Variants in ZMAT4 observed in about 807,000 individuals in gnomAD.
ZMAT4 encodes the protein zinc finger matrin-type 4.
A neutral mutation model predicts 28.7 loss-of-function variants in ZMAT4; 17 were observed. The observed-to-expected ratio is 0.59, with a 90% CI of 0.41 to 0.89. The LOEUF (loss-of-function observed/expected upper bound fraction) is 0.89, where lower values mean the gene tolerates loss of function less well. Ranked by LOEUF, ZMAT4 falls within the 40% of genes least tolerant of loss-of-function variation. The probability of loss-of-function intolerance (pLI) is 0.00; values close to 1 mark genes in which losing one functional copy is unlikely to be tolerated. For missense variants in ZMAT4, 240 were observed against 283.8 expected, an observed-to-expected ratio of 0.85 and a Z score of 1.11; for synonymous variants, 117 against 109.2, an observed-to-expected ratio of 1.07 and a Z score of -0.44.
intron 5 of ZMAT4, among the ~76,000 whole-genome samples, chr8:40,630,669 C>A (rs919049098): frequency 6.6e-6 from 1 of 152,150 alleles, no homozygotes; most frequent in Non-Finnish European, 1.5e-5. Context: ...ACAACAGCAT[C>A]GCTAAAACCC....
chr8:40,673,028 G>A (rs920675153), intron 5 of ZMAT4, among the ~76,000 whole-genome samples: 1 of 152,060 alleles, frequency 6.6e-6, no homozygotes, highest in Non-Finnish European at 1.5e-5. Context: ...AGGTCTTTTG[G>A]AAAAAATCAA....
At chr8:40,573,611 G>A (rs1241062106) in intron 6 of ZMAT4, among the ~76,000 whole-genome samples, 1 of 152,166 alleles carries the variant, frequency 6.6e-6, no homozygotes, top group Non-Finnish European at 1.5e-5. Flanking sequence ...GAGGCTCTGA[G>A]GGGATCCTGA....
intron 5 of ZMAT4, among the ~76,000 whole-genome samples, chr8:40,596,992 C>A (rs932031041): frequency 1.3e-5 from 2 of 152,060 alleles, no homozygotes; most frequent in Non-Finnish European, 2.9e-5. Flanking sequence ...GGCTTCTGAG[C>A]CTCATTTTCT....
intron 5 of ZMAT4, among the ~76,000 whole-genome samples, chr8:40,582,019 A>G (rs528044548): frequency 2.0e-5 from 3 of 152,318 alleles, no homozygotes; most frequent in African/African-American, 7.2e-5. Context: ...ATAATGAAAC[A>G]TATTCCTTCA....
At chr8:40,570,632 G>A (rs1486251752) in intron 6 of ZMAT4, among the ~76,000 whole-genome samples, 1 of 152,108 alleles carries the variant, frequency 6.6e-6, no homozygotes. Flanking sequence ...TCCAGGAAGT[G>A]GAGGTTGCAG....
intron 5 of ZMAT4, among the ~76,000 whole-genome samples, chr8:40,660,300 T>C (rs1446834824): frequency 6.6e-6 from 1 of 152,218 alleles, no homozygotes; most frequent in African/African-American, 2.4e-5. Flanking sequence ...TATTTTTAAG[T>C]TGAAGTGGCT....
intron 6 of ZMAT4, among the ~76,000 whole-genome samples, chr8:40,541,980 C>CCT (rs1803048091): frequency 1.3e-5 from 2 of 152,132 alleles, no homozygotes; most frequent in South Asian, 4.1e-4. Flanking sequence ...CAAAGCTGGC[C>CCT]CTCGGGCAGA....
chr8:40,853,252 T>A (rs1397527617), intron 1 of ZMAT4, among the ~76,000 whole-genome samples: 1 of 152,212 alleles, frequency 6.6e-6, no homozygotes, highest in Non-Finnish European at 1.5e-5. Context: ...AAGGTTGACA[T>A]TTAATACAAT....
At chr8:40,741,497 T>C (rs1812002398) in intron 3 of ZMAT4, among the ~76,000 whole-genome samples, 2 of 151,840 alleles carry the variant, frequency 1.3e-5, no homozygotes, top group South Asian at 2.1e-4. Context: ...TTGCTAGTGA[T>C]TAAATCTGTA....
chr8:40,764,777 A>G (rs1813080006), intron 3 of ZMAT4, among the ~76,000 whole-genome samples: 1 of 152,144 alleles, frequency 6.6e-6, no homozygotes, highest in Non-Finnish European at 1.5e-5. Context: ...AAAATGCTAA[A>G]TAAATATGAC....
intron 6 of ZMAT4, among the ~76,000 whole-genome samples, chr8:40,547,358 T>C (rs1047927013): frequency 1.3e-5 from 2 of 152,180 alleles, no homozygotes; most frequent in African/African-American, 4.8e-5. Context: ...TCCAGAGTTT[T>C]GAAAGCAGCA....
intron 2 of ZMAT4, among the ~76,000 whole-genome samples, chr8:40,802,205 T>C (rs1391535485): frequency 6.6e-6 from 1 of 152,238 alleles, no homozygotes; most frequent in African/African-American, 2.4e-5. Context: ...CTTTTCAGCA[T>C]CGTACTGAAA....
rs1805610923 is a variant in ZMAT4 at position 40,606,895 on chromosome 8, T to C, written c.578-25634A>G. 4.9e-5 allele frequency among the ~76,000 whole-genome samples: 7 copies of C among 144,276 alleles called. No homozygotes were observed. The Admixed American group carries it at 4.9e-4, about 10-fold the overall frequency. 94.7% of individuals were successfully genotyped at this position (144,276 alleles called of 152,430 possible). The stretch of plus-strand genomic sequence containing the variant: ...CCAGACTTCTTGGAGGCTTTGTTCA[T>C]TTTTTTAAAAATCCTTTTTTCTTTG... On this transcript the variant is annotated intron_variant, in intron 5 of 6. Transcript: ENST00000297737.
At chr8:40,698,063 C>T (rs1809975606) in intron 3 of ZMAT4, among the ~76,000 whole-genome samples, 1 of 152,102 alleles carries the variant, frequency 6.6e-6, no homozygotes, top group East Asian at 1.9e-4. Context: ...GGATACATGG[C>T]CATGATGTTC....
At chr8:40,866,736 C>T (rs1039083227) in intron 1 of ZMAT4, among the ~76,000 whole-genome samples, 3 of 152,160 alleles carry the variant, frequency 2.0e-5, no homozygotes, top group Non-Finnish European at 2.9e-5. Flanking sequence ...CTGGCAAGCA[C>T]CCGGGGAGTC....
At chr8:40,550,987 T>C (rs2118421154) in intron 6 of ZMAT4, among the ~76,000 whole-genome samples, 1 of 152,336 alleles carries the variant, frequency 6.6e-6, no homozygotes, top group Non-Finnish European at 1.5e-5. Context: ...ATTAGGTTTG[T>C]ACATTTTCAT....
chr8:40,889,216 C>G (rs1818577420), intron 1 of ZMAT4, among the ~76,000 whole-genome samples: 2 of 152,206 alleles, frequency 1.3e-5, no homozygotes, highest in African/African-American at 4.8e-5. Context: ...AAGGATATTC[C>G]CTGCACAGGG....
chr8:40,853,352 C>T lies in ZMAT4; in HGVS notation c.-4-27672G>A, dbSNP rs145856013. 3.0e-3 allele frequency among the ~76,000 whole-genome samples: 463 copies of T among 152,182 alleles called. 2 individuals are homozygous for T. The highest frequency in any genetic ancestry group is 0.011 in the African/African-American group (446 of 41,508). ...CAGGTGAACCATGAGGTCAGGAGTT[C>T]GAGACCAGCCTGGCCAACATGTGAA... On this transcript the variant is annotated intron_variant, in intron 1 of 6. Transcript: ENST00000297737.
At chr8:40,575,759 T>C (rs1804243350) in intron 6 of ZMAT4, among the ~76,000 whole-genome samples, 1 of 151,624 alleles carries the variant, frequency 6.6e-6, no homozygotes, top group Non-Finnish European at 1.5e-5. Flanking sequence ...ACATGAAAAG[T>C]GAAGGAAACA....
Sources: allele counts gnomAD v4.1 joint callset (sites outside exome capture counted in the v4.1 genomes callset), GRCh38; gene constraint gnomAD v4.1.1; transcripts MANE v1.5; gene names NCBI Gene and HGNC (gene_info 2026-07-23, HGNC 2026-07-21).